The following TCF4 variants were observed in gnomAD, a reference collection of about 807,000 sequenced individuals.
The protein encoded by TCF4 is transcription factor 4.
A neutral mutation model predicts 82.1 loss-of-function variants in TCF4; 3 were observed. That is an observed-to-expected ratio of 0.04 (90% CI 0.02 to 0.09). The LOEUF is 0.09. Ranked by LOEUF, TCF4 falls within the 10% of genes least tolerant of loss-of-function variation. TCF4 has a pLI of 1.00. For synonymous variants in TCF4, 276 were observed against 309.6 expected (o/e 0.89, Z 1.14); for missense variants, 518 against 852.7 (o/e 0.61, Z 4.89).
At chr18:55,510,278 A>G (rs778343069) in intron 3 of TCF4, among the ~76,000 whole-genome samples, 4 of 152,198 alleles carry the variant, frequency 2.6e-5, no homozygotes, top group Non-Finnish European at 5.9e-5. Context: ...CCATTCCTCT[A>G]TTTCTCCGTC....
At chr18:55,383,173 G>C (rs927705601) in intron 6 of TCF4, among the ~76,000 whole-genome samples, 4 of 152,118 alleles carry the variant, frequency 2.6e-5, no homozygotes, top group Admixed American at 6.5e-5. Flanking sequence ...CCTCAAATAA[G>C]CCCACATCTG....
In TCF4 at chr18:55,318,353, C is replaced by A. The variant is rs542496435; in HGVS notation, c.549+32006G>T. Among the ~76,000 whole-genome samples, 6 of 152,096 alleles carry A rather than the reference C, an allele frequency of 3.9e-5. No individual in the cohort carries two copies. The South Asian group carries it at 1.2e-3, about 32-fold the overall frequency. On this transcript the variant is annotated intron_variant, in intron 8 of 19. Transcript: ENST00000354452. ...TAATAAGGACAGACACATTGGCACA[C>A]TTTGATACAAGCTTGTATTTCCAAC...
chr18:55,277,071 C>G lies in TCF4; in HGVS notation c.656-1319G>C, dbSNP rs139957643. On this transcript the variant is annotated intron_variant, in intron 9 of 19. Transcript: ENST00000354452. ...TAGTGAGTTTACAATATGCCCCAGACAGTTTCTGAACATCTTTCACCTTAA... is the reference window on the plus strand; with the variant it reads ...TAGTGAGTTTACAATATGCCCCAGAGAGTTTCTGAACATCTTTCACCTTAA... Among the ~76,000 whole-genome samples, 4 of 152,252 alleles carry G rather than the reference C, an allele frequency of 2.6e-5. No homozygotes were observed. The East Asian group carries it at 7.7e-4, about 29-fold the overall frequency.
intron 6 of TCF4, among the ~76,000 whole-genome samples, chr18:55,395,273 T>G (rs145234655): frequency 6.6e-6 from 1 of 152,312 alleles, no homozygotes; most frequent in Non-Finnish European, 1.5e-5. Context: ...TTAAATCAAT[T>G]ATTTCTTTAG....
At chr18:55,514,424 C>G (rs2096859492) in intron 3 of TCF4, among the ~76,000 whole-genome samples, 1 of 151,744 alleles carries the variant, frequency 6.6e-6, no homozygotes, top group African/African-American at 2.4e-5. Flanking sequence ...CACACACACA[C>G]ACACACACAC....
At chr18:55,546,448 A>C (rs1350140542) in intron 3 of TCF4, among the ~76,000 whole-genome samples, 1 of 152,260 alleles carries the variant, frequency 6.6e-6, no homozygotes, top group East Asian at 1.9e-4. Flanking sequence ...TCCAACAAAC[A>C]ATATTATTTT....
intron 5 of TCF4, among the ~76,000 whole-genome samples, chr18:55,456,001 C>G (rs1263867018): frequency 6.6e-6 from 1 of 152,224 alleles, no homozygotes; most frequent in East Asian, 1.9e-4. Flanking sequence ...GACTGTGGCA[C>G]CTGCTTCTGC....
chr18:55,359,983 C>T (rs759312520), intron 6 of TCF4, among the ~76,000 whole-genome samples: 15 of 152,134 alleles, frequency 9.9e-5, no homozygotes, highest in Non-Finnish European at 1.6e-4. Context: ...TCATCATTCA[C>T]CCAAAGGGCC....
At position 55,284,677 on chromosome 18, in the gene TCF4, C is replaced by T. The variant is rs184282920; in HGVS notation, c.550-5021G>A. ...TATACTTTCCAAAGAAAAATCAGTTCAGAATCACTGAAACGTTGTAATTGA... is the reference window on the plus strand; with the variant it reads ...TATACTTTCCAAAGAAAAATCAGTTTAGAATCACTGAAACGTTGTAATTGA... On this transcript the variant is annotated intron_variant, in intron 8 of 19. Coordinates refer to ENST00000354452, the MANE Select transcript of TCF4 (RefSeq NM_001083962.2). 8.5e-5 allele frequency among the ~76,000 whole-genome samples: 13 copies of T among 152,276 alleles called. No homozygotes were observed. The East Asian group carries it at 2.5e-3, about 29-fold the overall frequency.
At chr18:55,358,719 G>A (rs2084251661) in intron 6 of TCF4, among the ~76,000 whole-genome samples, 2 of 152,186 alleles carry the variant, frequency 1.3e-5, no homozygotes, top group South Asian at 4.1e-4. Context: ...TCATTTTTAA[G>A]TCAAGAGCTT....
intron 3 of TCF4, among the ~76,000 whole-genome samples, chr18:55,494,787 C>T (rs1278953038): frequency 6.6e-6 from 1 of 152,038 alleles, no homozygotes; most frequent in African/African-American, 2.4e-5. Context: ...CAATCATGAA[C>T]ATTGTACCCT....
At chr18:55,237,965 T>C (rs1433300339) in intron 15 of TCF4, among the ~76,000 whole-genome samples, 1 of 152,222 alleles carries the variant, frequency 6.6e-6, no homozygotes, top group Non-Finnish European at 1.5e-5. Context: ...CTCACACTGT[T>C]CTCTGTATAT....
At chr18:55,361,303 C>T (rs2085120101) in intron 6 of TCF4, among the ~76,000 whole-genome samples, 1 of 152,032 alleles carries the variant, frequency 6.6e-6, no homozygotes, top group Non-Finnish European at 1.5e-5. Flanking sequence ...CCTCCCAGCC[C>T]TCTCTTTCCT....
intron 3 of TCF4, among the ~76,000 whole-genome samples, chr18:55,530,064 T>C (rs376735935): frequency 6.6e-6 from 1 of 152,342 alleles, no homozygotes; most frequent in East Asian, 1.9e-4. Flanking sequence ...TGCACAAGAC[T>C]GTGTAACTGA....
Position 55,228,834 on chromosome 18 carries a change from G to A in TCF4, c.1879+13C>T, listed in dbSNP as rs1057524324. 9.3e-6 allele frequency: 15 copies of A among 1,613,762 alleles called. No homozygotes were observed. Among genetic ancestry groups the A allele is most frequent in the Non-Finnish European group, 1.3e-5 (15 of 1,179,942 alleles). On this transcript the variant is annotated intron_variant, in intron 18 of 19. Coordinates refer to ENST00000354452, the MANE Select transcript of TCF4 (RefSeq NM_001083962.2). ...TCCTCACGAGCTCTGCAAGGAGGCT[G>A]GCCTGCACTGACCTCGGACTTGCTG...
At chr18:55,466,373 G>A (rs1258560118) in intron 3 of TCF4, among the ~76,000 whole-genome samples, 2 of 152,088 alleles carry the variant, frequency 1.3e-5, no homozygotes, top group East Asian at 1.9e-4. Context: ...GAACTTGCCT[G>A]TAGTCCTAGC....
rs555224709 is a variant in TCF4, at chr18:55,223,625, A to G, written c.*4410T>C. The G allele has an allele frequency of 2.6e-5, 4 of 152,542 alleles. No individual in the cohort carries two copies. In the South Asian group the frequency reaches 6.2e-4, roughly 24 times the overall value. The allele number at this position is 152,542 out of a possible 1,614,324, so 9.4% of individuals were successfully genotyped here. On this transcript the variant is annotated 3_prime_UTR_variant, in exon 20 of 20. Transcript: ENST00000354452. ...TCTACAAATCAGAAATACACCAAAA[A>G]CATGAAAAAATCGAGGCACTCAGCC...
intron 1 of TCF4, among the ~76,000 whole-genome samples, chr18:55,634,339 GTC>G (rs967126619): frequency 6.6e-6 from 1 of 151,644 alleles, no homozygotes; most frequent in Non-Finnish European, 1.5e-5. Context: ...AGCTATTAAT[GTC>G]TCTGTTTTAT....
At chr18:55,328,901 A>G (rs542183083) in intron 8 of TCF4, among the ~76,000 whole-genome samples, 1 of 152,230 alleles carries the variant, frequency 6.6e-6, no homozygotes, top group South Asian at 2.1e-4. Context: ...GGGTTTATTA[A>G]CCCTCTTTGG....
Sources: allele counts gnomAD v4.1 joint callset (sites outside exome capture counted in the v4.1 genomes callset), GRCh38; gene constraint gnomAD v4.1.1; transcripts MANE v1.5; gene names NCBI Gene and HGNC (gene_info 2026-07-23, HGNC 2026-07-21).